DIMT1: variants seen among roughly 807,000 people sequenced by gnomAD.
DIMT1 encodes DIM1 rRNA methyltransferase and ribosome maturation factor.
Under a neutral mutation model 43.2 loss-of-function variants are expected in DIMT1, and 36 were observed. The observed-to-expected ratio is 0.83, with a 90% CI of 0.64 to 1.10. The LOEUF (loss-of-function observed/expected upper bound fraction) is 1.10. Among genes scored for constraint, DIMT1 ranks in the 50% least tolerant of loss-of-function variants. The pLI is 0.00. For synonymous variants in DIMT1, 126 were observed against 130.3 expected, an observed-to-expected ratio of 0.97 and a Z score of 0.22; for missense variants, 341 against 385.3, an observed-to-expected ratio of 0.88 and a Z score of 0.96.
chr5:62,396,235 C>A (rs166006), intron 6 of DIMT1, among the ~76,000 whole-genome samples: 33,178 of 148,348 alleles, frequency 0.22, 3,821 homozygotes, highest in Middle Eastern at 0.3. Context: ...GGCTGGGCAC[C>A]ATGGTTCATG....
Position 62,402,112 on chromosome 5 carries a change from C to A in DIMT1, c.164G>T (p.Arg55Ile). ...INSIIDKAALRPTDVVLEVGP... is the reference protein window; with the variant it reads ...INSIIDKAALIPTDVVLEVGP... ...AACTTCCAGCACTACATCAGTTGGT[C>A]TTAAGGCAGCCTAAAAGCAAGCACA... Residue 55 changes from arginine (R) to isoleucine (I), a missense_variant, in exon 3 of 12, where the codon AGA becomes ATA. Coordinates refer to ENST00000199320, the MANE Select transcript of DIMT1 (RefSeq NM_014473.4). 1 of 1,613,914 alleles carries A rather than the reference C, an allele frequency of 6.2e-7. No individual in the cohort carries two copies. Among genetic ancestry groups the A allele is most frequent in the South Asian group, 1.1e-5 (1 of 91,062 alleles).
chr5:62,394,188 TG>T, intron 7 of DIMT1, 141 bp from the exon 8 acceptor site: 1 of 903,546 alleles, frequency 1.1e-6, no homozygotes, highest in Admixed American at 2.8e-5. Context: ...AATCACTGGC[TG>T]GGTGCTTTGG....
intron 3 of DIMT1, among the ~76,000 whole-genome samples, chr5:62,400,827 T>C (rs247260): frequency 0.34 from 51,845 of 151,896 alleles, 9,086 homozygotes; most frequent in African/African-American, 0.4. Flanking sequence ...GGCAGGATCA[T>C]GGCTCACTGG....
In DIMT1 at chr5:62,387,911, A is replaced by T. The variant is rs1020346886; in HGVS notation, c.*1099T>A. 2.0e-5 allele frequency: 3 copies of T among 152,094 alleles called. No individual in the cohort carries two copies. Among genetic ancestry groups the T allele is most frequent in the Admixed American group, 2.0e-4 (3 of 15,272 alleles). The allele number at this position is 152,094 out of a possible 1,614,324, so 9.4% of individuals were successfully genotyped here. A position where few individuals can be genotyped will look rare whatever the true frequency, so the allele number is the denominator to read the frequency against. ...AATCTGGCTTTGTTAAATTAATTGG[A>T]AACACTCTTCTATTAAGTTAGGTAT... On this transcript the variant is annotated 3_prime_UTR_variant, in exon 12 of 12. Coordinates refer to ENST00000199320, the MANE Select transcript of DIMT1 (RefSeq NM_014473.4).
At chr5:62,400,919 C>T (rs1174205397) in intron 3 of DIMT1, among the ~76,000 whole-genome samples, 1 of 151,618 alleles carries the variant, frequency 6.6e-6, no homozygotes, top group Non-Finnish European at 1.5e-5. Context: ...CCACCATGCC[C>T]AGCCAATTTT....
chr5:62,395,970 C>G (rs1742472907), intron 6 of DIMT1, among the ~76,000 whole-genome samples: 1 of 151,940 alleles, frequency 6.6e-6, no homozygotes, highest in Non-Finnish European at 1.5e-5. Context: ...TGAGATGTCA[C>G]CACTGTACTC....
rs749050540 is a variant in DIMT1, at chr5:62,398,539, T to C, written c.418A>G (p.Lys140Glu). 3 of 1,612,880 alleles carry C rather than the reference T, an allele frequency of 1.9e-6. No homozygotes were observed. Among genetic ancestry groups the C allele is most frequent in the Admixed American group, 3.3e-5 (2 of 59,984 alleles). ...AAAAAAGGTCGATGTAGCAACAGCT[T>C]GAAGACAAAAGGTGAAGAGATCTGT... ...PYQISSPFVFKLLLHRPFFRC... is the reference protein window; with the variant it reads ...PYQISSPFVFELLLHRPFFRC... Residue 140 changes from lysine (K) to glutamate (E), a missense_variant, in exon 6 of 12, where the codon AAG (lysine) becomes GAG (glutamate). By Grantham distance (56) the Lys-to-Glu change is moderately conservative. Coordinates refer to ENST00000199320, the MANE Select transcript of DIMT1 (RefSeq NM_014473.4).
intron 3 of DIMT1, among the ~76,000 whole-genome samples, chr5:62,401,661 C>A (rs1315835811): frequency 1.4e-5 from 2 of 138,388 alleles, no homozygotes; most frequent in Non-Finnish European, 3.1e-5. Context: ...TGGCTCACTG[C>A]AACCTCTGCC....
At position 62,389,005 on chromosome 5, in the gene DIMT1, A is replaced by G. The variant is rs765563136; in HGVS notation, c.*5T>C. Reference sequence around the variant, plus strand: ...TGACCTTGAAAATTTCTGTTTTCCAAATACCTAGGAAAAATGAATACCTTC... The same window carrying G: ...TGACCTTGAAAATTTCTGTTTTCCAGATACCTAGGAAAAATGAATACCTTC... On this transcript the variant is annotated 3_prime_UTR_variant, in exon 12 of 12. Coordinates refer to ENST00000199320, the MANE Select transcript of DIMT1 (RefSeq NM_014473.4). 3 of 1,605,542 alleles carry G rather than the reference A, an allele frequency of 1.9e-6. No individual in the cohort carries two copies. The highest frequency in any genetic ancestry group is 2.5e-6 in the Non-Finnish European group (3 of 1,177,558).
chr5:62,403,270 C>A lies in DIMT1; in HGVS notation c.153+3G>T. The A allele has an allele frequency of 1.2e-6, 2 of 1,613,240 alleles. No individual in the cohort carries two copies. Among genetic ancestry groups the A allele is most frequent in the South Asian group, 2.2e-5 (2 of 91,028 alleles). On this transcript the variant is annotated splice_donor_region_variant and intron_variant, in intron 2 of 11. Transcript: ENST00000199320. ...CTCTCTCCCTTTCCTCTTCCACACC[C>A]ACCTTATCGATAATGCTGTTAATAA... is the stretch of plus-strand genomic sequence containing the variant.
At chr5:62,396,213 A>G (rs1742488010) in intron 6 of DIMT1, among the ~76,000 whole-genome samples, 2 of 146,060 alleles carry the variant, frequency 1.4e-5, no homozygotes, top group Non-Finnish European at 3.0e-5. Context: ...GGAAACGAAA[A>G]TAAATCAGAA....
At chr5:62,389,421 G>T (rs1173991264) in intron 11 of DIMT1, among the ~76,000 whole-genome samples, 1 of 145,832 alleles carries the variant, frequency 6.9e-6, no homozygotes, top group Non-Finnish European at 1.5e-5. Context: ...AGGAGGCGGA[G>T]GTTGCAGTGA....
intron 6 of DIMT1, among the ~76,000 whole-genome samples, chr5:62,397,831 G>A (rs1260267827): frequency 6.6e-6 from 1 of 152,120 alleles, no homozygotes; most frequent in Non-Finnish European, 1.5e-5. Flanking sequence ...TGTATTTTTA[G>A]TAGATGTGGG....
chr5:62,400,209 G>A (rs538513010), intron 3 of DIMT1, among the ~76,000 whole-genome samples: 1 of 151,860 alleles, frequency 6.6e-6, no homozygotes, highest in Non-Finnish European at 1.5e-5. Flanking sequence ...AAATTTTATT[G>A]CAATTTCAGC....
At chr5:62,391,900 G>T in intron 10 of DIMT1, 1 of 1,533,312 alleles carries the variant, frequency 6.5e-7, no homozygotes, top group Non-Finnish European at 8.7e-7. Flanking sequence ...TGTAACTGCT[G>T]AATCTGATTC....
rs982983438 is a variant in DIMT1 at position 62,388,183 on chromosome 5, A to G, written c.*827T>C. ...TTTTAATTGTCCAGAAATCATAGGAATACTGGGAACCTGTAGTTATGGGAA... is the reference window on the plus strand; with the variant it reads ...TTTTAATTGTCCAGAAATCATAGGAGTACTGGGAACCTGTAGTTATGGGAA... On this transcript the variant is annotated 3_prime_UTR_variant, in exon 12 of 12. Transcript: ENST00000199320. 7 of 152,204 alleles carry G rather than the reference A, an allele frequency of 4.6e-5. No individual in the cohort carries two copies. 9.4% of individuals were successfully genotyped at this position (152,204 alleles called of 1,614,324 possible).
chr5:62,392,271 C>A lies in DIMT1; in HGVS notation c.729-37G>T. 2.5e-6 allele frequency: 4 copies of A among 1,570,798 alleles called. No homozygotes were observed. The South Asian group carries it at 3.5e-5, about 14-fold the overall frequency. ...AGAAGTGATGCCACTGTTATTATTC[C>A]AAAGTCAGAGTAATTTCTTACTTTT... On this transcript the variant is annotated intron_variant, in intron 9 of 11. Coordinates refer to ENST00000199320, the MANE Select transcript of DIMT1 (RefSeq NM_014473.4).
chr5:62,398,962 A>T, intron 3 of DIMT1, 81 bp from the exon 4 acceptor site: 1 of 1,091,286 alleles, frequency 9.2e-7, no homozygotes, highest in East Asian at 2.6e-5. Flanking sequence ...GAACTCTTAC[A>T]TGATTTATGT....
intron 3 of DIMT1, among the ~76,000 whole-genome samples, chr5:62,399,205 G>A (rs1213888430): frequency 6.6e-5 from 10 of 152,000 alleles, no homozygotes; most frequent in South Asian, 4.2e-4. Flanking sequence ...AGTGGCTCAC[G>A]CCTGTAATCC....
Sources: gnomAD v4.1 joint callset for allele counts (sites outside exome capture counted in the v4.1 genomes callset) on GRCh38, gnomAD v4.1.1 for gene constraint, MANE v1.5 for transcripts, NCBI Gene and HGNC (gene_info 2026-07-23, HGNC 2026-07-21) for gene names.